The following ATF7IP variants were observed in gnomAD, a reference collection of about 807,000 sequenced individuals.
The protein encoded by ATF7IP is activating transcription factor 7-interacting protein 1.
ATF7IP carries 23 observed loss-of-function variants against 106.4 expected under a neutral mutation model. The observed-to-expected ratio is 0.22, with a 90% CI of 0.16 to 0.31. The LOEUF (loss-of-function observed/expected upper bound fraction) is 0.31, where lower values mean the gene tolerates loss of function less well. Among genes scored for constraint, ATF7IP ranks in the 10% least tolerant of loss-of-function variants. The pLI, the probability that ATF7IP is intolerant of heterozygous loss-of-function variation, is 1.00. For missense variants in ATF7IP, 1,334 were observed against 1,524.3 expected (o/e 0.88, Z 2.08); for synonymous variants, 542 against 539.0 (o/e 1.01, Z -0.08).
At chr12:14,393,886 A>G (rs1279098387) in intron 1 of ATF7IP, among the ~76,000 whole-genome samples, 4 of 152,208 alleles carry the variant, frequency 2.6e-5, no homozygotes, top group African/African-American at 9.6e-5. Context: ...GGCCTTGCAG[A>G]TAATGACTCA....
intron 10 of ATF7IP, among the ~76,000 whole-genome samples, chr12:14,469,178 C>T (rs779948466): frequency 1.3e-5 from 2 of 151,882 alleles, no homozygotes; most frequent in Non-Finnish European, 2.9e-5. Context: ...CGAGACCAGG[C>T]TGGCCAACAT....
intron 1 of ATF7IP, among the ~76,000 whole-genome samples, chr12:14,422,351 AC>A: frequency 2.1e-5 from 3 of 141,168 alleles, no homozygotes; most frequent in Non-Finnish European, 3.1e-5. Context: ...ACACACACAC[AC>A]ACACAACCTT....
intron 2 of ATF7IP, among the ~76,000 whole-genome samples, chr12:14,430,027 T>C (rs986979368): frequency 6.6e-6 from 1 of 152,146 alleles, no homozygotes; most frequent in African/African-American, 2.4e-5. Context: ...CAAGATGAAA[T>C]CACCTCAGAG....
intron 1 of ATF7IP, among the ~76,000 whole-genome samples, chr12:14,412,168 G>C (rs1010104484): frequency 2.0e-5 from 3 of 152,114 alleles, no homozygotes; most frequent in Non-Finnish European, 1.5e-5. Flanking sequence ...GTATCACACT[G>C]TCTAGGTTAT....
intron 10 of ATF7IP, among the ~76,000 whole-genome samples, chr12:14,468,289 A>AG (rs1565538573): frequency 6.7e-6 from 1 of 150,276 alleles, no homozygotes. Context: ...AAAAAAAAAA[A>AG]GAAATATAAT....
intron 4 of ATF7IP, among the ~76,000 whole-genome samples, chr12:14,436,705 A>G (rs753524774): frequency 8.5e-5 from 13 of 152,112 alleles, no homozygotes; most frequent in Non-Finnish European, 1.8e-4. Flanking sequence ...AAAATAATAA[A>G]TAAATAAATA....
intron 9 of ATF7IP, among the ~76,000 whole-genome samples, chr12:14,463,979 T>G (rs4237950): frequency 0.014 from 2,117 of 152,334 alleles, 65 homozygotes; most frequent in African/African-American, 0.049. Flanking sequence ...TACAATGTAC[T>G]CTCTCAGATT....
chr12:14,496,314 G>C lies in ATF7IP; in HGVS notation c.3364G>C (p.Val1122Leu). ...TLGSTGPQLT[V>L]HHRPPQVHTE... ...GGGATCAACAGGACCTCAGCTCACA[G>C]TGCATCACCGACCACCACAAGTGCA... Residue 1122 changes from valine to leucine, a missense_variant, in exon 14 of 15, where the codon GTG becomes CTG. Val to Leu is a conservative substitution (Grantham distance 32, BLOSUM62 1). Coordinates refer to ENST00000261168, the MANE Select transcript of ATF7IP (RefSeq NM_018179.5). 1 of 1,613,828 alleles carries C rather than the reference G, an allele frequency of 6.2e-7. No homozygotes were observed. The highest frequency in any genetic ancestry group is 8.5e-7 in the Non-Finnish European group (1 of 1,179,824).
At chr12:14,415,901 C>CT (rs756644261) in intron 1 of ATF7IP, among the ~76,000 whole-genome samples, 40 of 152,212 alleles carry the variant, frequency 2.6e-4, no homozygotes, top group Non-Finnish European at 4.4e-4. Context: ...ATATAAGGGA[C>CT]TTGAACATTG....
chr12:14,484,695 G>A (rs1245271766), intron 13 of ATF7IP, among the ~76,000 whole-genome samples: 5 of 152,182 alleles, frequency 3.3e-5, no homozygotes, highest in Non-Finnish European at 5.9e-5. Flanking sequence ...GAGGCCATCA[G>A]TACAGGCTGG....
At chr12:14,366,473 G>A (rs1938298807) in intron 1 of ATF7IP, among the ~76,000 whole-genome samples, 1 of 152,118 alleles carries the variant, frequency 6.6e-6, no homozygotes, top group African/African-American at 2.4e-5. Flanking sequence ...TTTTAGTTTT[G>A]GGAATATTGG....
At position 14,481,185 on chromosome 12, in the gene ATF7IP, A is replaced by G. The variant is rs578225255; in HGVS notation, c.3280A>G (p.Ser1094Gly). The G allele has an allele frequency of 8.7e-6, 14 of 1,613,574 alleles. No individual in the cohort carries two copies. In the South Asian group the frequency reaches 1.5e-4, roughly 18 times the overall value. The change falls in exon 13 of 15, where the codon AGT (serine) becomes GGT (glycine). Residue 1094 changes from serine (S) to glycine (G), a missense_variant and splice_region_variant. By Grantham distance (56) the Ser-to-Gly change is moderately conservative. Coordinates refer to ENST00000261168, the MANE Select transcript of ATF7IP (RefSeq NM_018179.5). ...PAVRQVNPQN[S>G]VTVRVPQTTT... Reference sequence around the variant, plus strand: ...TGTTCGGCAGGTCAATCCCCAAAATAGTAAGAGATTTTTCTTGTATATGGC... The same window carrying G: ...TGTTCGGCAGGTCAATCCCCAAAATGGTAAGAGATTTTTCTTGTATATGGC...
In ATF7IP at chr12:14,424,469, C is replaced by A; in HGVS notation, c.554C>A (p.Ser185Tyr). 6.2e-7 allele frequency: 1 copy of A among 1,611,748 alleles called. No individual in the cohort carries two copies. Among genetic ancestry groups the A allele is most frequent in the Non-Finnish European group, 8.5e-7 (1 of 1,179,142 alleles). ...TSGDAPSGDV[S>Y]PGDATSGDAT... ...GGTGATGCCCCTTCTGGTGATGTGT[C>A]CCCTGGTGATGCCACCTCTGGTGAT... is the stretch of plus-strand genomic sequence containing the variant. Residue 185 changes from serine (S) to tyrosine (Y), a missense_variant, in exon 2 of 15, where the codon TCC becomes TAC. By Grantham distance (144) the Ser-to-Tyr change is moderately radical (BLOSUM62 -2). Coordinates refer to ENST00000261168, the MANE Select transcript of ATF7IP (RefSeq NM_018179.5).
intron 1 of ATF7IP, among the ~76,000 whole-genome samples, chr12:14,410,198 T>A (rs1940834809): frequency 6.6e-6 from 1 of 152,154 alleles, no homozygotes; most frequent in Non-Finnish European, 1.5e-5. Flanking sequence ...CAGTTTTCGT[T>A]TTCTGTGGTT....
intron 1 of ATF7IP, among the ~76,000 whole-genome samples, chr12:14,366,695 TAATC>T (rs564401553): frequency 1.2e-4 from 18 of 152,344 alleles, no homozygotes; most frequent in South Asian, 6.2e-4. Flanking sequence ...CTTTTGAAAT[TAATC>T]AACTCATTTT....
rs775136905 is a variant in ATF7IP, at chr12:14,456,574, C to A, written c.2009C>A (p.Pro670Gln). ...TTTCTCCCCCAGCATCCACCCAACCCACCAGTATCACCAGGAAAAACTGTA... is the reference window on the plus strand; with the variant it reads ...TTTCTCCCCCAGCATCCACCCAACCAACCAGTATCACCAGGAAAAACTGTA... ...LKKRHEHPPN[P>Q]PVSPGKTVND... Residue 670 changes from proline to glutamine, a missense_variant, in exon 7 of 15, where the codon CCA becomes CAA. Around this residue, in one of 10 missense-constraint regions of ATF7IP, gnomAD observed 171 missense variants for 172.6 expected, o/e 0.99. Coordinates refer to ENST00000261168, the MANE Select transcript of ATF7IP (RefSeq NM_018179.5). 1.2e-6 allele frequency: 2 copies of A among 1,611,992 alleles called. No individual in the cohort carries two copies. The highest frequency in any genetic ancestry group is 3.3e-5 in the Admixed American group (2 of 59,972).
chr12:14,476,090 TG>T, intron 11 of ATF7IP, 122 bp downstream of exon 11: 1 of 764,842 alleles, frequency 1.3e-6, no homozygotes, highest in South Asian at 1.7e-5. Flanking sequence ...GTGTTCTTTT[TG>T]GAATGGAAGT....
chr12:14,400,229 G>A (rs2136460273), intron 1 of ATF7IP, among the ~76,000 whole-genome samples: 1 of 152,212 alleles, frequency 6.6e-6, no homozygotes. Flanking sequence ...TATCCTTTTA[G>A]TCTTTAAAAT....
intron 1 of ATF7IP, among the ~76,000 whole-genome samples, chr12:14,398,387 GT>G (rs199525754): frequency 2.6e-4 from 38 of 144,362 alleles, no homozygotes; most frequent in East Asian, 1.8e-3. Context: ...ACATCTAAAA[GT>G]TTTTTTTTTT....
Sources: allele counts gnomAD v4.1 joint callset (sites outside exome capture counted in the v4.1 genomes callset), GRCh38; gene constraint gnomAD v4.1.1; regional missense constraint gnomAD v4.1.1; transcripts MANE v1.5; gene names NCBI Gene and HGNC (gene_info 2026-07-23, HGNC 2026-07-21).